VPS53: variants seen among roughly 807,000 people sequenced by gnomAD.
The protein encoded by VPS53 is vacuolar protein sorting-associated protein 53 homolog.
A neutral mutation model predicts 107.0 loss-of-function variants in VPS53; 70 were observed. That is an observed-to-expected ratio of 0.65 (90% CI 0.54 to 0.80). The LOEUF (loss-of-function observed/expected upper bound fraction) is 0.80, where lower values mean the gene tolerates loss of function less well. Among genes scored for constraint, VPS53 ranks in the 30% least tolerant of loss-of-function variants. The probability of loss-of-function intolerance (pLI) is 0.00; values close to 1 mark genes in which losing one functional copy is unlikely to be tolerated. For missense variants in VPS53, 917 were observed against 1,049.4 expected, an observed-to-expected ratio of 0.87 and a Z score of 1.74; for synonymous variants, 409 against 393.3, an observed-to-expected ratio of 1.04 and a Z score of -0.47.
chr17:632,016 C>T (rs751244330), intron 7 of VPS53, among the ~76,000 whole-genome samples: 3 of 152,136 alleles, frequency 2.0e-5, no homozygotes, highest in East Asian at 1.9e-4. Context: ...GGGAAGCTGA[C>T]GTGAGAGGGT....
At chr17:678,981 T>C (rs1272796986) in intron 4 of VPS53, among the ~76,000 whole-genome samples, 2 of 151,990 alleles carry the variant, frequency 1.3e-5, no homozygotes, top group Admixed American at 1.3e-4. Flanking sequence ...GTGGCCAAAG[T>C]GGCATTCAGA....
chr17:603,900 T>C (rs923844366), intron 11 of VPS53, among the ~76,000 whole-genome samples: 3 of 152,200 alleles, frequency 2.0e-5, no homozygotes, highest in African/African-American at 7.2e-5. Flanking sequence ...AATTAGGTAA[T>C]AGCATTAGAC....
intron 12 of VPS53, among the ~76,000 whole-genome samples, chr17:596,758 C>T (rs573514470): frequency 2.6e-5 from 4 of 152,244 alleles, no homozygotes; most frequent in Non-Finnish European, 5.9e-5. Flanking sequence ...CACCAAGCAA[C>T]TGCCCAAAGG....
chr17:664,105 G>T (rs1420226600), intron 4 of VPS53, among the ~76,000 whole-genome samples: 1 of 151,886 alleles, frequency 6.6e-6, no homozygotes, highest in East Asian at 1.9e-4. Context: ...TTGAGATGGA[G>T]TCTCACTCTG....
chr17:651,535 G>T (rs768015576), intron 7 of VPS53, among the ~76,000 whole-genome samples: 4 of 152,086 alleles, frequency 2.6e-5, no homozygotes, highest in Non-Finnish European at 5.9e-5. Context: ...AAGCTGCAGT[G>T]AGCAGTAATT....
intron 5 of VPS53, among the ~76,000 whole-genome samples, chr17:659,267 G>A (rs8065745): frequency 0.013 from 2,046 of 152,054 alleles, 52 homozygotes; most frequent in African/African-American, 0.046. Flanking sequence ...CTAACATAGG[G>A]AGTCTTTATT....
chr17:585,537 G>C (rs1325358935), intron 13 of VPS53, among the ~76,000 whole-genome samples: 1 of 152,166 alleles, frequency 6.6e-6, no homozygotes, highest in Non-Finnish European at 1.5e-5. Context: ...AGCTACTTGG[G>C]AGACTGCAGT....
chr17:580,813 A>C (rs1966975893), intron 13 of VPS53, among the ~76,000 whole-genome samples: 1 of 150,802 alleles, frequency 6.6e-6, no homozygotes, highest in African/African-American at 2.4e-5. Flanking sequence ...CTCAGAACCT[A>C]ATGCATTCCA....
rs201440966 is a variant in VPS53 at position 642,480 on chromosome 17, C to G, written c.608+10811G>C. Among the ~76,000 whole-genome samples the G allele has an allele frequency of 1.2e-3, 162 of 139,886 alleles. 2 individuals carry two copies. In the East Asian group the frequency reaches 0.017, roughly 15 times the overall value. The allele number at this position is 139,886 out of a possible 152,430, so 91.8% of individuals were successfully genotyped here. A position where few individuals can be genotyped will look rare whatever the true frequency, so the allele number is the denominator to read the frequency against. On this transcript the variant is annotated intron_variant, in intron 7 of 21. Coordinates refer to ENST00000437048, the MANE Select transcript of VPS53 (RefSeq NM_001128159.3). ...TGAGGACAACACTCATACTTGGAAACCGAGGACAACACTCATACTTGGAAA... is the reference window on the plus strand; with the variant it reads ...TGAGGACAACACTCATACTTGGAAAGCGAGGACAACACTCATACTTGGAAA...
At chr17:529,185 C>A (rs182894506) in intron 19 of VPS53, among the ~76,000 whole-genome samples, 1 of 152,312 alleles carries the variant, frequency 6.6e-6, no homozygotes, top group Non-Finnish European at 1.5e-5. Flanking sequence ...AGTATCTACA[C>A]ATGTGTGGGT....
chr17:664,300 G>A (rs1243598979), intron 4 of VPS53, among the ~76,000 whole-genome samples: 4 of 152,058 alleles, frequency 2.6e-5, no homozygotes, highest in South Asian at 4.2e-4. Context: ...GGATGGTCTC[G>A]ATCTCCTGAC....
Position 537,029 on chromosome 17 carries a change from T to C in VPS53, c.2014A>G (p.Asn672Asp). ...AGATGAGCACGCCCCAGGACTTACT[T>C]TGCAAATTTAACGCAGAACTGAGTG... is the stretch of plus-strand genomic sequence containing the variant. Reference protein sequence around the residue: ...YFTQFCVKFANSFIPKFITHL... With the variant: ...YFTQFCVKFADSFIPKFITHL... Residue 672 changes from asparagine to aspartate, a missense_variant and splice_region_variant, in exon 18 of 22, where the codon AAC becomes GAC. Asn to Asp is a conservative substitution (Grantham distance 23, BLOSUM62 1). Coordinates refer to ENST00000437048, the MANE Select transcript of VPS53 (RefSeq NM_001128159.3). 3 of 1,614,142 alleles carry C rather than the reference T, an allele frequency of 1.9e-6. No individual in the cohort carries two copies. The East Asian group carries it at 6.7e-5, about 36-fold the overall frequency.
At chr17:691,551 T>C (rs1465129485) in intron 4 of VPS53, among the ~76,000 whole-genome samples, 3 of 152,236 alleles carry the variant, frequency 2.0e-5, no homozygotes, top group Non-Finnish European at 4.4e-5. Flanking sequence ...TTCTGAGGTT[T>C]TAGCCACCTG....
chr17:670,062 A>G (rs1187124061), intron 4 of VPS53, among the ~76,000 whole-genome samples: 1 of 152,138 alleles, frequency 6.6e-6, no homozygotes, highest in Non-Finnish European at 1.5e-5. Flanking sequence ...GCTTACGTCT[A>G]AAGGTGTTAT....
chr17:659,887 C>T (rs1160236478), intron 5 of VPS53, among the ~76,000 whole-genome samples: 1 of 152,200 alleles, frequency 6.6e-6, no homozygotes, highest in Non-Finnish European at 1.5e-5. Context: ...ACTCCCCATC[C>T]CACAGCCTGT....
chr17:519,821 C>A lies in VPS53; in HGVS notation c.2328+5G>T, dbSNP rs764482811. 2.6e-5 allele frequency: 40 copies of A among 1,548,684 alleles called. No individual in the cohort carries two copies. Among genetic ancestry groups the A allele is most frequent in the Middle Eastern group, 1.7e-4 (1 of 6,004 alleles). ...CAGGTGTGGACCAAATGTCCCGGCA[C>A]AAACCTTCATGTCCAGTATCTTCTG... On this transcript the variant is annotated splice_donor_5th_base_variant and intron_variant, in intron 21 of 21. Transcript: ENST00000437048. This position sits in a 1 kb window ranked among gnomAD's most constrained non-coding sequence, Gnocchi z 5.0.
chr17:629,692 G>T (rs1969859890), intron 8 of VPS53, among the ~76,000 whole-genome samples: 1 of 151,780 alleles, frequency 6.6e-6, no homozygotes, highest in African/African-American at 2.4e-5. Flanking sequence ...GAACTCGGAA[G>T]GTGGAGCTTG....
intron 17 of VPS53, among the ~76,000 whole-genome samples, chr17:541,731 G>A (rs12953168): frequency 1.2e-5 from 1 of 85,922 alleles, no homozygotes. Flanking sequence ...ATCAAGCACC[G>A]ACTACGCACT....
At chr17:528,817 T>G (rs1361545766) in intron 19 of VPS53, among the ~76,000 whole-genome samples, 3 of 152,164 alleles carry the variant, frequency 2.0e-5, no homozygotes, top group African/African-American at 7.2e-5. Context: ...CAGGCTGGTC[T>G]CGAACTCCTG....
Sources: allele counts gnomAD v4.1 joint callset (sites outside exome capture counted in the v4.1 genomes callset), GRCh38; gene constraint gnomAD v4.1.1; non-coding constraint Gnocchi (gnomAD v3.1); transcripts MANE v1.5; gene names NCBI Gene and HGNC (gene_info 2026-07-23, HGNC 2026-07-21).